PRIM2: variants seen among roughly 807,000 people sequenced by gnomAD.
PRIM2 encodes the protein DNA primase large subunit.
In PRIM2, 39 loss-of-function variants were observed where a neutral mutation model predicts 67.3. That is an observed-to-expected ratio of 0.58 (90% CI 0.45 to 0.76). PRIM2 has a LOEUF of 0.76. PRIM2 is among the 30% of genes least tolerant of loss of function. PRIM2 has a pLI of 0.00. For synonymous variants in PRIM2, 143 were observed against 198.7 expected (o/e 0.72, Z 2.36); for missense variants, 398 against 598.7 (o/e 0.66, Z 3.50).
At chr6:57,500,329 T>C (rs1774105836) in intron 7 of PRIM2, among the ~76,000 whole-genome samples, 1 of 152,230 alleles carries the variant, frequency 6.6e-6, no homozygotes, top group Admixed American at 6.5e-5. Flanking sequence ...GTTTTCACTC[T>C]CTGCCTCTCT....
the PRIM2 span, among the ~76,000 whole-genome samples, chr6:57,261,206 A>G: frequency 1.1e-4 from 17 of 152,340 alleles, no homozygotes; most frequent in African/African-American, 3.8e-4. Flanking sequence ...TAAGAAGCCT[A>G]AAGTGGGAGA....
intron 5 of PRIM2, among the ~76,000 whole-genome samples, chr6:57,372,355 A>G (rs1186974878): frequency 6.6e-6 from 1 of 152,174 alleles, no homozygotes; most frequent in Non-Finnish European, 1.5e-5. Flanking sequence ...TTTGGTTTCT[A>G]CTCATATTAA....
intron 8 of PRIM2, among the ~76,000 whole-genome samples, chr6:57,515,432 G>A (rs1354759021): frequency 8.5e-5 from 13 of 152,210 alleles, no homozygotes; most frequent in Non-Finnish European, 1.9e-4. Context: ...CCTAGGTAGT[G>A]TATAGCTTTG....
intron 7 of PRIM2, among the ~76,000 whole-genome samples, chr6:57,503,987 G>T (rs1309757060): frequency 6.6e-6 from 1 of 152,184 alleles, no homozygotes; most frequent in Non-Finnish European, 1.5e-5. Flanking sequence ...GAGGTAAAGT[G>T]AATCTTGAAA....
At chr6:57,299,090 CTG>C in the PRIM2 span, among the ~76,000 whole-genome samples, 13,323 of 150,630 alleles carry the variant, frequency 0.088, 724 homozygotes, top group Middle Eastern at 0.2. Context: ...CTCTCTTTTT[CTG>C]TGTGTGTGTG....
At chr6:57,569,984 C>T (rs1257262687) in intron 10 of PRIM2, among the ~76,000 whole-genome samples, 5 of 152,170 alleles carry the variant, frequency 3.3e-5, no homozygotes, top group East Asian at 1.9e-4. Context: ...CCTCATGATC[C>T]GCCCGCCTTG....
chr6:57,512,018 C>T (rs1774382553), intron 8 of PRIM2, among the ~76,000 whole-genome samples: 1 of 152,136 alleles, frequency 6.6e-6, no homozygotes, highest in Admixed American at 6.6e-5. Flanking sequence ...CTGAATCGAA[C>T]CCACAGAATA....
intron 5 of PRIM2, among the ~76,000 whole-genome samples, chr6:57,368,967 C>T (rs73751314): frequency 7.2e-4 from 109 of 152,256 alleles, no homozygotes; most frequent in African/African-American, 2.5e-3. Flanking sequence ...CCAGTTGCTG[C>T]GGCAAAAGGA....
chr6:57,231,403 T>A, the PRIM2 span, among the ~76,000 whole-genome samples: 2 of 152,124 alleles, frequency 1.3e-5, no homozygotes, highest in African/African-American at 2.4e-5. Context: ...CAAATAATGA[T>A]GCAAAAACAA....
intron 10 of PRIM2, among the ~76,000 whole-genome samples, chr6:57,599,908 C>T (rs1288126762): frequency 6.6e-6 from 1 of 152,212 alleles, no homozygotes; most frequent in African/African-American, 2.4e-5. Context: ...CTGCCTCAGG[C>T]TCCTGAGTAG....
chr6:57,483,637 T>A (rs1773681545), intron 7 of PRIM2, among the ~76,000 whole-genome samples: 20 of 151,018 alleles, frequency 1.3e-4, no homozygotes, highest in Non-Finnish European at 3.0e-4. Context: ...CAGTGTAGAT[T>A]ATGAAGTTCT....
intron 7 of PRIM2, among the ~76,000 whole-genome samples, chr6:57,399,332 T>C (rs542287039): frequency 1.3e-5 from 2 of 152,262 alleles, no homozygotes; most frequent in South Asian, 2.1e-4. Flanking sequence ...AGAATGATGG[T>C]TTCTAGCTTC....
intron 10 of PRIM2, among the ~76,000 whole-genome samples, chr6:57,547,230 C>T (rs1416711827): frequency 6.6e-6 from 1 of 151,914 alleles, no homozygotes; most frequent in Non-Finnish European, 1.5e-5. Context: ...TAAAATCAAA[C>T]CTTTATTTAT....
intron 8 of PRIM2, among the ~76,000 whole-genome samples, chr6:57,517,862 C>A (rs1774519839): frequency 6.6e-6 from 1 of 152,116 alleles, no homozygotes; most frequent in Middle Eastern, 3.2e-3. Flanking sequence ...AAGAGGAATA[C>A]TTGAAGCTGC....
intron 7 of PRIM2, among the ~76,000 whole-genome samples, chr6:57,495,803 G>A (rs1370205812): frequency 6.6e-6 from 1 of 152,122 alleles, no homozygotes; most frequent in Non-Finnish European, 1.5e-5. Flanking sequence ...GAGTGTAGTG[G>A]TACAGTCATA....
intron 5 of PRIM2, among the ~76,000 whole-genome samples, chr6:57,356,516 A>G (rs1769036874): frequency 6.6e-6 from 1 of 152,264 alleles, no homozygotes; most frequent in Non-Finnish European, 1.5e-5. Flanking sequence ...AATAAGTTAT[A>G]AGAACTTCAG....
At chr6:57,484,659 G>C (rs1358891010) in intron 7 of PRIM2, among the ~76,000 whole-genome samples, 12,722 of 152,044 alleles carry the variant, frequency 0.084, 565 homozygotes, top group Admixed American at 0.11. Context: ...ATTCCTTTCT[G>C]GTTTTTCTGT....
chr6:57,307,913 G>C, the PRIM2 span, among the ~76,000 whole-genome samples: 1 of 152,140 alleles, frequency 6.6e-6, no homozygotes, highest in Non-Finnish European at 1.5e-5. Context: ...GAGCAGGGGA[G>C]GGGGCTAGAG....
Position 57,472,220 on chromosome 6 carries a change from A to G in PRIM2, c.694-35167A>G, listed in dbSNP as rs1351419126. ...CAAGGTGGGCGGATCACCTGAGGTC[A>G]GGAGTTCAAGATCAGCCTGGCCAAC... On this transcript the variant is annotated intron_variant, in intron 7 of 13. Transcript: ENST00000615550. Among the ~76,000 whole-genome samples the G allele has an allele frequency of 8.0e-3, 1,217 of 152,186 alleles. 17 individuals are homozygous for G. The highest frequency in any genetic ancestry group is 0.028 in the African/African-American group (1,170 of 41,514).
Sources: allele counts gnomAD v4.1 joint callset (sites outside exome capture counted in the v4.1 genomes callset), GRCh38; gene constraint gnomAD v4.1.1; transcripts MANE v1.5; gene names NCBI Gene and HGNC (gene_info 2026-07-23, HGNC 2026-07-21).